The following ASB4 variants were observed in gnomAD, a reference collection of about 807,000 sequenced individuals.
ASB4 encodes ankyrin repeat and SOCS box containing 4, also known as ankyrin repeat and SOCS box protein 4.
A neutral mutation model predicts 38.6 loss-of-function variants in ASB4; 35 were observed. That is an observed-to-expected ratio of 0.91 (90% CI 0.69 to 1.20). The LOEUF (loss-of-function observed/expected upper bound fraction) is 1.20. Among genes scored for constraint, ASB4 ranks in the 50% most tolerant of loss-of-function variants. ASB4 has a pLI of 0.00. For synonymous variants in ASB4, 195 were observed against 201.3 expected (o/e 0.97, Z 0.26); for missense variants, 557 against 527.2 (o/e 1.06, Z -0.55).
At chr7:95,501,650 T>C (rs1790339224) in intron 2 of ASB4, among the ~76,000 whole-genome samples, 1 of 152,240 alleles carries the variant, frequency 6.6e-6, no homozygotes, top group African/African-American at 2.4e-5. Flanking sequence ...TTTTACATTG[T>C]GGCCTTTTCA....
chr7:95,537,407 C>T (rs1023224731), intron 4 of ASB4, among the ~76,000 whole-genome samples, 164 bp from the exon 5 acceptor site: 23 of 152,094 alleles, frequency 1.5e-4, no homozygotes, highest in African/African-American at 3.4e-4. Flanking sequence ...TGTATACCAC[C>T]GCCTCACTGC....
intron 1 of ASB4, among the ~76,000 whole-genome samples, chr7:95,488,235 C>G (rs1323617801): frequency 6.6e-6 from 1 of 152,028 alleles, no homozygotes; most frequent in Non-Finnish European, 1.5e-5. Context: ...CAGCTACTCC[C>G]GAGGCTGAGA....
chr7:95,520,823 TTTCTC>T (rs1237047614), intron 2 of ASB4, among the ~76,000 whole-genome samples: 1 of 152,212 alleles, frequency 6.6e-6, no homozygotes, highest in Non-Finnish European at 1.5e-5. Context: ...TTGGTCCAGT[TTTCTC>T]TTTATGCATC....
intron 2 of ASB4, among the ~76,000 whole-genome samples, chr7:95,524,424 A>G (rs1176672926): frequency 2.0e-5 from 3 of 152,208 alleles, no homozygotes. Flanking sequence ...GGAAAATGGA[A>G]GGATTTTCTG....
rs768038032 is a variant in ASB4, at chr7:95,528,011, C to T, written c.686C>T (p.Thr229Met). ...ALRFKEQEYSTEHHLVCRMLL... is the reference protein window; with the variant it reads ...ALRFKEQEYSMEHHLVCRMLL... ...CGCTTTAAGGAGCAGGAGTACAGCA[C>T]GGAGCACCACCTGGTCTGCCGCATG... The change falls in exon 3 of 5, where the codon ACG (threonine) becomes ATG (methionine). Residue 229 changes from threonine to methionine, a missense_variant. Coordinates refer to ENST00000325885, the MANE Select transcript of ASB4 (RefSeq NM_016116.3). 1.3e-5 allele frequency: 21 copies of T among 1,614,008 alleles called. No homozygotes were observed. In the Admixed American group the frequency reaches 3.2e-4, roughly 24 times the overall value.
chr7:95,549,473 A>G, the ASB4 span, among the ~76,000 whole-genome samples: 1 of 151,376 alleles, frequency 6.6e-6, no homozygotes, highest in Non-Finnish European at 1.5e-5. Flanking sequence ...ATTTTTTTGT[A>G]TTTTTAGTAG....
At chr7:95,506,057 T>G (rs1173070442) in intron 2 of ASB4, among the ~76,000 whole-genome samples, 1 of 152,014 alleles carries the variant, frequency 6.6e-6, no homozygotes, top group Non-Finnish European at 1.5e-5. Flanking sequence ...CGTGCCTGGC[T>G]AATTTTTAAA....
At chr7:95,503,479 T>C (rs1397928724) in intron 2 of ASB4, among the ~76,000 whole-genome samples, 2 of 152,208 alleles carry the variant, frequency 1.3e-5, no homozygotes, top group Non-Finnish European at 2.9e-5. Flanking sequence ...AAGCCCTGAG[T>C]GCATGGATGG....
chr7:95,516,628 A>C (rs1363040053), intron 2 of ASB4, among the ~76,000 whole-genome samples: 1 of 152,350 alleles, frequency 6.6e-6, no homozygotes, highest in Non-Finnish European at 1.5e-5. Flanking sequence ...TCCTGTTTTC[A>C]ATATGGCTTA....
At chr7:95,506,758 A>G (rs192235142) in intron 2 of ASB4, among the ~76,000 whole-genome samples, 15 of 134,870 alleles carry the variant, frequency 1.1e-4, no homozygotes, top group Non-Finnish European at 2.0e-4. Flanking sequence ...GTTTATCTTC[A>G]TCCTTTGTAC....
intron 2 of ASB4, among the ~76,000 whole-genome samples, chr7:95,506,910 C>T (rs1394167580): frequency 6.6e-6 from 1 of 151,962 alleles, no homozygotes; most frequent in Non-Finnish European, 1.5e-5. Flanking sequence ...CCTCCCTGGA[C>T]TGTTTCTCTA....
chr7:95,486,012 C>T lies in ASB4; in HGVS notation c.41C>T (p.Ala14Val). 1.2e-6 allele frequency: 2 copies of T among 1,614,012 alleles called. No individual in the cohort carries two copies. Residue 14 changes from alanine (A) to valine (V), a missense_variant, in exon 1 of 5, where the codon GCC becomes GTC. Physicochemically the swap from Ala to Val is moderately conservative, Grantham distance 64 (BLOSUM62 0). Coordinates refer to ENST00000325885, the MANE Select transcript of ASB4 (RefSeq NM_016116.3). ...TTAPVTKSGA[A>V]KLVKRNFLEA... Reference sequence around the variant, plus strand: ...GCCCCTGTCACTAAATCTGGAGCTGCCAAGTTAGTTAAGAGAAATTTCCTT... The same window carrying T: ...GCCCCTGTCACTAAATCTGGAGCTGTCAAGTTAGTTAAGAGAAATTTCCTT...
intron 3 of ASB4, among the ~76,000 whole-genome samples, chr7:95,533,621 C>T (rs555431024): frequency 6.1e-4 from 93 of 152,180 alleles, no homozygotes; most frequent in Non-Finnish European, 1.2e-3. Context: ...TTCACTCTGA[C>T]ATGTCTGGTG....
At chr7:95,504,070 A>C (rs1159494550) in intron 2 of ASB4, among the ~76,000 whole-genome samples, 1 of 152,140 alleles carries the variant, frequency 6.6e-6, no homozygotes, top group Non-Finnish European at 1.5e-5. Context: ...CTCTCCTTGA[A>C]TCCTGCATTT....
chr7:95,523,178 A>T (rs951767839), intron 2 of ASB4, among the ~76,000 whole-genome samples: 1 of 152,222 alleles, frequency 6.6e-6, no homozygotes, highest in Non-Finnish European at 1.5e-5. Flanking sequence ...TAAAAACTAG[A>T]TTATAATTAA....
At chr7:95,526,771 A>C (rs1263371968) in intron 2 of ASB4, among the ~76,000 whole-genome samples, 2 of 152,170 alleles carry the variant, frequency 1.3e-5, no homozygotes, top group Non-Finnish European at 2.9e-5. Flanking sequence ...TAATAATAAT[A>C]AGTCTGTACA....
At chr7:95,542,053 T>C (rs62467700), downstream of ASB4, 24,024 of 151,168 alleles carry the variant, frequency 0.16, 2,188 homozygotes, top group African/African-American at 0.24. Context: ...GGCAACAGAG[T>C]GAGACCTTGA....
chr7:95,549,877 G>A, the ASB4 span, among the ~76,000 whole-genome samples: 9 of 152,166 alleles, frequency 5.9e-5, no homozygotes, highest in Non-Finnish European at 1.3e-4. Context: ...CTTCTGAAAA[G>A]GGAGTTTGAC....
downstream of ASB4, among the ~76,000 whole-genome samples, chr7:95,540,928 C>T (rs372512756): frequency 6.6e-6 from 1 of 152,210 alleles, no homozygotes; most frequent in South Asian, 2.1e-4. Flanking sequence ...ACAGCTGAGT[C>T]TTACGTTTTT....
Sources: allele counts gnomAD v4.1 joint callset (sites outside exome capture counted in the v4.1 genomes callset), GRCh38; gene constraint gnomAD v4.1.1; transcripts MANE v1.5; gene names NCBI Gene and HGNC (gene_info 2026-07-23, HGNC 2026-07-21).